CCDC148: variants seen among roughly 807,000 people sequenced by gnomAD.
The protein encoded by CCDC148 is coiled-coil domain-containing protein 148.
CCDC148 carries 89 observed loss-of-function variants against 85.7 expected under a neutral mutation model. The observed-to-expected ratio is 1.04, with a 90% CI of 0.87 to 1.24. The LOEUF (loss-of-function observed/expected upper bound fraction) is 1.24, where lower values mean the gene tolerates loss of function less well. Ranked by LOEUF, CCDC148 falls within the 50% of genes most tolerant of loss-of-function variation. The pLI is 0.00. For synonymous variants in CCDC148, 230 were observed against 213.9 expected (o/e 1.08, Z -0.66); for missense variants, 692 against 671.7 (o/e 1.03, Z -0.33).
intron 7 of CCDC148, among the ~76,000 whole-genome samples, chr2:158,328,338 T>C (rs1225278302): frequency 6.6e-6 from 1 of 152,158 alleles, no homozygotes. Flanking sequence ...ACAAAGGACA[T>C]GAACTCATCA....
In CCDC148 at chr2:158,301,231, A is replaced by T. The variant is rs539442227; in HGVS notation, c.1110+8202T>A. Among the ~76,000 whole-genome samples the T allele has an allele frequency of 2.6e-4, 40 of 152,346 alleles. No homozygotes were observed. The East Asian group carries it at 7.5e-3, about 29-fold the overall frequency. On this transcript the variant is annotated intron_variant, in intron 9 of 13. Transcript: ENST00000283233. ...GTTTCTCAAGGGCAGAATGTGAAAC[A>T]TAGTCATGAGAGGAGCAATAGCTCA...
chr2:158,425,796 C>T (rs1255206406), intron 1 of CCDC148, among the ~76,000 whole-genome samples: 1 of 152,116 alleles, frequency 6.6e-6, no homozygotes, highest in African/African-American at 2.4e-5. Context: ...CTGAAGTTTC[C>T]ACCACATCTT....
chr2:158,435,217 C>T (rs1220255686), intron 1 of CCDC148, among the ~76,000 whole-genome samples: 1 of 152,126 alleles, frequency 6.6e-6, no homozygotes, highest in Non-Finnish European at 1.5e-5. Flanking sequence ...ATGTTAAAGA[C>T]AGCCAGAGAG....
In CCDC148 at chr2:158,354,845, A is replaced by C. The variant is rs546385747; in HGVS notation, c.147+3604T>G. Among the ~76,000 whole-genome samples, 54 of 151,184 alleles carry C rather than the reference A, an allele frequency of 3.6e-4. No homozygotes were observed. The East Asian group carries it at 6.4e-3, about 18-fold the overall frequency. On this transcript the variant is annotated intron_variant, in intron 2 of 13. Transcript: ENST00000283233. The stretch of plus-strand genomic sequence containing the variant: ...AAATCCTCAATAAAATACTGGCAAA[A>C]CGAATCCAGCAGCACATCAAAAAGC...
intron 9 of CCDC148, among the ~76,000 whole-genome samples, chr2:158,298,586 T>C (rs1171156467): frequency 6.6e-6 from 1 of 152,142 alleles, no homozygotes; most frequent in African/African-American, 2.4e-5. Flanking sequence ...AGGTGGAATA[T>C]TTTCTATTGG....
intron 1 of CCDC148, among the ~76,000 whole-genome samples, chr2:158,363,721 A>G (rs1684071170): frequency 6.6e-6 from 1 of 152,220 alleles, no homozygotes; most frequent in Admixed American, 6.5e-5. Flanking sequence ...TGAATGGGCA[A>G]AAACTGGAAG....
At chr2:158,245,640 C>A (rs1458588272) in intron 10 of CCDC148, among the ~76,000 whole-genome samples, 1 of 152,182 alleles carries the variant, frequency 6.6e-6, no homozygotes, top group African/African-American at 2.4e-5. Flanking sequence ...AGGCATCATG[C>A]AGCAACAACA....
intron 9 of CCDC148, among the ~76,000 whole-genome samples, chr2:158,253,562 G>C (rs1353507664): frequency 6.6e-6 from 1 of 151,652 alleles, no homozygotes; most frequent in Non-Finnish European, 1.5e-5. Context: ...TTTCCACTTA[G>C]AGCACAGTCC....
At chr2:158,245,831 T>C (rs1287867814) in intron 10 of CCDC148, among the ~76,000 whole-genome samples, 2 of 152,166 alleles carry the variant, frequency 1.3e-5, no homozygotes, top group African/African-American at 4.8e-5. Flanking sequence ...TTTGATTTTA[T>C]CATGACAACA....
rs1165092514 is a variant in CCDC148 at position 158,357,013 on chromosome 2, T to A, written c.147+1436A>T. On this transcript the variant is annotated intron_variant, in intron 2 of 13. Transcript: ENST00000283233. ...ACCAAACACTGCATATTCTCACTCA[T>A]AGGTGGGAACTGAACAATGAGATCA... is the stretch of plus-strand genomic sequence containing the variant. Among the ~76,000 whole-genome samples the A allele has an allele frequency of 2.0e-5, 3 of 148,764 alleles. No homozygotes were observed. In the East Asian group the frequency reaches 5.9e-4, roughly 29 times the overall value.
intron 7 of CCDC148, among the ~76,000 whole-genome samples, chr2:158,322,863 T>C (rs558271560): frequency 2.6e-5 from 4 of 152,140 alleles, no homozygotes; most frequent in Non-Finnish European, 5.9e-5. Context: ...ACTAACATTA[T>C]AAAATTTAAT....
At chr2:158,260,782 A>C (rs939878896) in intron 9 of CCDC148, among the ~76,000 whole-genome samples, 8 of 152,020 alleles carry the variant, frequency 5.3e-5, no homozygotes, top group Non-Finnish European at 1.2e-4. Flanking sequence ...CAAAAAGAAT[A>C]AAATACCCAG....
intron 11 of CCDC148, among the ~76,000 whole-genome samples, chr2:158,186,163 G>C (rs557756723): frequency 6.6e-6 from 1 of 152,172 alleles, no homozygotes; most frequent in South Asian, 2.1e-4. Flanking sequence ...CATCCTGTCT[G>C]TTCTATGGTT....
chr2:158,429,675 C>G (rs1162832176), intron 1 of CCDC148, among the ~76,000 whole-genome samples: 1 of 152,158 alleles, frequency 6.6e-6, no homozygotes, highest in Non-Finnish European at 1.5e-5. Flanking sequence ...GAATACAAAC[C>G]AGACATCTGC....
intron 9 of CCDC148, among the ~76,000 whole-genome samples, chr2:158,300,213 G>A (rs1490429849): frequency 6.6e-6 from 1 of 152,196 alleles, no homozygotes; most frequent in Non-Finnish European, 1.5e-5. Flanking sequence ...AGAAGGTAGT[G>A]AGGAGAGTAC....
At chr2:158,296,982 T>C (rs1313864486) in intron 9 of CCDC148, among the ~76,000 whole-genome samples, 1 of 152,172 alleles carries the variant, frequency 6.6e-6, no homozygotes, top group Non-Finnish European at 1.5e-5. Context: ...ATTGTATCCA[T>C]GGTTAACCAC....
chr2:158,172,108 G>A lies in CCDC148; in HGVS notation c.*5C>T. 6.4e-7 allele frequency: 1 copy of A among 1,573,966 alleles called. No homozygotes were observed. The highest frequency in any genetic ancestry group is 8.6e-7 in the Non-Finnish European group (1 of 1,164,572). On this transcript the variant is annotated 3_prime_UTR_variant, in exon 14 of 14. Coordinates refer to ENST00000283233, the MANE Select transcript of CCDC148 (RefSeq NM_138803.4). ...CTCTTTACATATAGAATTTGAGGAT[G>A]AGCTCTATATTTTAAATACAGTAGA...
intron 2 of CCDC148, among the ~76,000 whole-genome samples, chr2:158,346,061 A>G (rs1225446299): frequency 6.6e-6 from 1 of 152,202 alleles, no homozygotes. Context: ...CAATTTTACT[A>G]CTTTTTAAAA....
At chr2:158,420,378 C>T (rs557442475) in intron 1 of CCDC148, among the ~76,000 whole-genome samples, 3 of 152,170 alleles carry the variant, frequency 2.0e-5, no homozygotes, top group African/African-American at 2.4e-5. Context: ...ATCAGACTAA[C>T]AGCAGATCTC....
Sources: gnomAD v4.1 joint callset for allele counts (sites outside exome capture counted in the v4.1 genomes callset) on GRCh38, gnomAD v4.1.1 for gene constraint, MANE v1.5 for transcripts, NCBI Gene and HGNC (gene_info 2026-07-23, HGNC 2026-07-21) for gene names.